The following CCSER1 variants were observed in gnomAD, a reference collection of about 807,000 sequenced individuals.
The protein encoded by CCSER1 is serine-rich coiled-coil domain-containing protein 1.
Under a neutral mutation model 82.0 loss-of-function variants are expected in CCSER1, and 41 were observed. The ratio of observed to expected loss-of-function variants is 0.50; its 90% CI spans 0.39 to 0.65. CCSER1 has a LOEUF of 0.65. CCSER1 is among the 30% of genes least tolerant of loss of function. CCSER1 has a pLI of 0.00. For synonymous variants in CCSER1, 414 were observed against 383.9 expected (o/e 1.08, Z -0.92); for missense variants, 1,119 against 1,064.2 (o/e 1.05, Z -0.72).
At chr4:90,250,427 T>G (rs1470046770) in intron 1 of CCSER1, among the ~76,000 whole-genome samples, 3 of 152,084 alleles carry the variant, frequency 2.0e-5, no homozygotes, top group Non-Finnish European at 4.4e-5. Context: ...AAGTTAAACT[T>G]CATTGTTTTG....
intron 10 of CCSER1, among the ~76,000 whole-genome samples, chr4:91,595,538 T>G (rs1220074518): frequency 3.9e-5 from 6 of 152,142 alleles, no homozygotes; most frequent in African/African-American, 1.4e-4. Context: ...ATGATTATTG[T>G]TGTGATTAAG....
Position 91,603,698 on chromosome 4 carries a change from T to C in CCSER1, c.*4641T>C, listed in dbSNP as rs149965400. Reference sequence around the variant, plus strand: ...TACATCTTTCATTCTTTCCAAACATTACCTCTTTAGTAAATTCGGGTTGCT... The same window carrying C: ...TACATCTTTCATTCTTTCCAAACATCACCTCTTTAGTAAATTCGGGTTGCT... On this transcript the variant is annotated 3_prime_UTR_variant, in exon 11 of 11. Transcript: ENST00000509176. 410 of 152,202 alleles carry C rather than the reference T, an allele frequency of 2.7e-3. 1 individual carries two copies. Among genetic ancestry groups the C allele is most frequent in the African/African-American group, 9.4e-3 (391 of 41,524 alleles). The allele number at this position is 152,202 out of a possible 1,614,324, so 9.4% of individuals were successfully genotyped here.
At chr4:90,791,808 C>A (rs58373796) in intron 7 of CCSER1, among the ~76,000 whole-genome samples, 2 of 141,236 alleles carry the variant, frequency 1.4e-5, no homozygotes, top group African/African-American at 5.2e-5. Flanking sequence ...GGCTACACAG[C>A]GAGACTGTCT....
chr4:91,146,088 A>C (rs1482372104), intron 10 of CCSER1, among the ~76,000 whole-genome samples: 1 of 152,118 alleles, frequency 6.6e-6, no homozygotes, highest in Non-Finnish European at 1.5e-5. Context: ...CTCTCTGTAC[A>C]ATCACATATT....
chr4:90,616,044 A>G (rs1721124581), intron 5 of CCSER1, among the ~76,000 whole-genome samples: 1 of 152,228 alleles, frequency 6.6e-6, no homozygotes, highest in Non-Finnish European at 1.5e-5. Flanking sequence ...ACTCATTGAA[A>G]GCTCAGGTGA....
rs577488385 is a variant in CCSER1 at position 90,489,214 on chromosome 4, A to T, written c.1724+20860A>T. ...TATATCCTACAGGGTCATTAACACC[A>T]GTGTACCAGAGGAAGATGAAGAGAA... On this transcript the variant is annotated intron_variant, in intron 5 of 10. Coordinates refer to ENST00000509176, the MANE Select transcript of CCSER1 (RefSeq NM_001145065.2). Among the ~76,000 whole-genome samples, 150 of 152,306 alleles carry T rather than the reference A, an allele frequency of 9.8e-4. 1 individual carries two copies. Among genetic ancestry groups the T allele is most frequent in the Non-Finnish European group, 1.7e-3 (114 of 68,020 alleles).
At chr4:90,879,582 A>AG (rs1720949136) in intron 8 of CCSER1, among the ~76,000 whole-genome samples, 1 of 90,866 alleles carries the variant, frequency 1.1e-5, no homozygotes, top group Non-Finnish European at 2.2e-5. Flanking sequence ...AAGAAGAAGA[A>AG]GAGGAGGAGG....
In CCSER1 at chr4:90,159,337, G is replaced by A. The variant is rs529755931; in HGVS notation, c.-42+31506G>A. 2.1e-3 allele frequency among the ~76,000 whole-genome samples: 321 copies of A among 152,236 alleles called. 1 individual carries two copies. The highest frequency in any genetic ancestry group is 3.5e-3 in the Non-Finnish European group (240 of 68,010). On this transcript the variant is annotated intron_variant, in intron 1 of 10. Transcript: ENST00000509176. Reference sequence around the variant, plus strand: ...TGGGATTAAAGGCATGAACCACCATGCCTGGCCCATTGCCAGGTTTTATAA... The same window carrying A: ...TGGGATTAAAGGCATGAACCACCATACCTGGCCCATTGCCAGGTTTTATAA...
At chr4:90,451,832 C>T (rs1426056958) in intron 4 of CCSER1, among the ~76,000 whole-genome samples, 2 of 152,128 alleles carry the variant, frequency 1.3e-5, no homozygotes, top group Admixed American at 6.5e-5. Context: ...TTTTGCTGGC[C>T]TTTACAGTGT....
At chr4:91,398,082 G>T (rs190869968) in intron 10 of CCSER1, among the ~76,000 whole-genome samples, 20 of 151,824 alleles carry the variant, frequency 1.3e-4, no homozygotes, top group Admixed American at 2.6e-4. Context: ...AACTTTTTGG[G>T]TCTCATACTC....
intron 9 of CCSER1, among the ~76,000 whole-genome samples, chr4:91,022,105 CTCG>C (rs1182215043): frequency 8.6e-5 from 13 of 151,192 alleles, no homozygotes; most frequent in African/African-American, 3.2e-4. Flanking sequence ...CACCCATTAA[CTCG>C]TCATTTAACA....
intron 10 of CCSER1, among the ~76,000 whole-genome samples, chr4:91,481,535 G>C (rs146355657): frequency 2.0e-5 from 3 of 152,254 alleles, no homozygotes; most frequent in Non-Finnish European, 4.4e-5. Context: ...CTGACATGCT[G>C]GTGGTTAAAG....
At chr4:90,717,715 T>C (rs1293026024) in intron 6 of CCSER1, among the ~76,000 whole-genome samples, 1 of 138,928 alleles carries the variant, frequency 7.2e-6, no homozygotes, top group African/African-American at 2.8e-5. Context: ...CCCACTAATA[T>C]GTATGTGTGT....
chr4:90,142,344 T>A (rs1253310777), intron 1 of CCSER1, among the ~76,000 whole-genome samples: 1 of 152,082 alleles, frequency 6.6e-6, no homozygotes, highest in African/African-American at 2.4e-5. Flanking sequence ...TCCTGGGGAG[T>A]TTCTTTTGCA....
intron 10 of CCSER1, among the ~76,000 whole-genome samples, chr4:91,570,692 G>A (rs958607980): frequency 1.3e-5 from 2 of 152,142 alleles, no homozygotes; most frequent in Non-Finnish European, 2.9e-5. Flanking sequence ...CTTTGGGCCT[G>A]GCCCAGGAAA....
chr4:90,272,680 A>G (rs72879718), intron 1 of CCSER1, among the ~76,000 whole-genome samples: 7,386 of 152,260 alleles, frequency 0.049, 472 homozygotes, highest in African/African-American at 0.15. Context: ...ACTGATGAAT[A>G]GATAAAGAAA....
At chr4:90,594,973 A>G (rs1379095041) in intron 5 of CCSER1, among the ~76,000 whole-genome samples, 1 of 151,984 alleles carries the variant, frequency 6.6e-6, no homozygotes, top group Non-Finnish European at 1.5e-5. Context: ...TGTTCTTTTT[A>G]TTTTAATATC....
intron 8 of CCSER1, among the ~76,000 whole-genome samples, chr4:90,873,812 C>A (rs1766861723): frequency 6.6e-6 from 1 of 151,998 alleles, no homozygotes; most frequent in African/African-American, 2.4e-5. Flanking sequence ...AATGCCTTGA[C>A]CTTCTTATAC....
chr4:90,855,090 G>GC (rs1014082728), intron 8 of CCSER1, among the ~76,000 whole-genome samples: 1 of 152,030 alleles, frequency 6.6e-6, no homozygotes, highest in Non-Finnish European at 1.5e-5. Flanking sequence ...GAGGAAGTCT[G>GC]CCCCCATGAT....
Sources: allele counts gnomAD v4.1 joint callset (sites outside exome capture counted in the v4.1 genomes callset), GRCh38; gene constraint gnomAD v4.1.1; transcripts MANE v1.5; gene names NCBI Gene and HGNC (gene_info 2026-07-23, HGNC 2026-07-21).